The following LSAMP variants were observed in gnomAD, a reference collection of about 807,000 sequenced individuals.
LSAMP encodes the protein limbic system associated membrane protein.
A neutral mutation model predicts 38.6 loss-of-function variants in LSAMP; 7 were observed. The ratio of observed to expected loss-of-function variants is 0.18; its 90% CI spans 0.10 to 0.34. LSAMP has a LOEUF of 0.34. LSAMP is among the 10% of genes least tolerant of loss of function. LSAMP has a pLI of 1.00. For synonymous variants in LSAMP, 154 were observed against 166.8 expected (o/e 0.92, Z 0.59); for missense variants, 313 against 420.0 (o/e 0.75, Z 2.23).
rs182175103 is a variant in LSAMP, at chr3:115,873,682, A to G, written c.515-21065T>C. On this transcript the variant is annotated intron_variant, in intron 3 of 6. Coordinates refer to ENST00000490035, the MANE Select transcript of LSAMP (RefSeq NM_002338.5). The stretch of plus-strand genomic sequence containing the variant: ...TTGCCGCTAACTTTTACCAAGTTAC[A>G]GAAAATCTCTATAATTTAGTTTGCT... Among the ~76,000 whole-genome samples, 396 of 152,294 alleles carry G rather than the reference A, an allele frequency of 2.6e-3. 2 individuals carry two copies. Among genetic ancestry groups the G allele is most frequent in the African/African-American group, 9.1e-3 (378 of 41,568 alleles).
intron 1 of LSAMP, among the ~76,000 whole-genome samples, chr3:116,260,094 C>T (rs1306520331): frequency 6.6e-6 from 1 of 152,126 alleles, no homozygotes; most frequent in Non-Finnish European, 1.5e-5. Flanking sequence ...AGGGCTAAAT[C>T]TTTCATTTAC....
chr3:115,946,303 TA>T (rs969948525), intron 3 of LSAMP, among the ~76,000 whole-genome samples: 9 of 152,168 alleles, frequency 5.9e-5, no homozygotes, highest in African/African-American at 1.9e-4. Context: ...GGTCAAAGAA[TA>T]AAAACTTTCT....
At chr3:116,282,755 TC>T (rs144177485) in intron 1 of LSAMP, among the ~76,000 whole-genome samples, 15,594 of 151,454 alleles carry the variant, frequency 0.1, 1,862 homozygotes, top group African/African-American at 0.29. Flanking sequence ...CCAGTGATAC[TC>T]CCCCCACCCC....
chr3:116,151,831 TG>T (rs373271937), intron 1 of LSAMP, among the ~76,000 whole-genome samples: 96 of 152,224 alleles, frequency 6.3e-4, no homozygotes, highest in African/African-American at 2.2e-3. Flanking sequence ...GGTAGCCACT[TG>T]CTTCTCAATA....
intron 1 of LSAMP, among the ~76,000 whole-genome samples, chr3:116,147,027 G>A (rs1255325362): frequency 6.6e-6 from 1 of 151,796 alleles, no homozygotes; most frequent in East Asian, 1.9e-4. Context: ...GGGTCAAGTT[G>A]GATCATCATC....
intron 2 of LSAMP, among the ~76,000 whole-genome samples, chr3:116,048,386 T>A (rs1216810720): frequency 1.3e-5 from 2 of 152,210 alleles, no homozygotes; most frequent in Admixed American, 6.5e-5. Flanking sequence ...GAAGGCTAAG[T>A]AATGATTAGT....
At chr3:116,162,957 TC>T (rs1319664688) in intron 1 of LSAMP, among the ~76,000 whole-genome samples, 3 of 151,990 alleles carry the variant, frequency 2.0e-5, no homozygotes, top group East Asian at 3.9e-4. Context: ...GCCTACATGT[TC>T]CCCCATCCCT....
intron 1 of LSAMP, among the ~76,000 whole-genome samples, chr3:116,326,490 A>T (rs1194955653): frequency 1.3e-5 from 2 of 152,048 alleles, no homozygotes; most frequent in Non-Finnish European, 2.9e-5. Context: ...ATGACACTAG[A>T]GTGCAATGCA....
intron 2 of LSAMP, among the ~76,000 whole-genome samples, chr3:116,074,660 C>T (rs1707693762): frequency 6.6e-6 from 1 of 152,022 alleles, no homozygotes; most frequent in Non-Finnish European, 1.5e-5. Context: ...TCTGGCTATC[C>T]TCATTTTGTT....
intron 1 of LSAMP, among the ~76,000 whole-genome samples, chr3:116,175,803 C>A (rs560073219): frequency 6.6e-6 from 1 of 152,060 alleles, no homozygotes; most frequent in African/African-American, 2.4e-5. Context: ...CATTTCTATG[C>A]TAAGAAGCAG....
At chr3:116,377,535 A>G (rs896632474) in intron 1 of LSAMP, among the ~76,000 whole-genome samples, 2 of 152,112 alleles carry the variant, frequency 1.3e-5, no homozygotes, top group African/African-American at 4.8e-5. Context: ...GTGCTGCAAT[A>G]AACATACACA....
chr3:116,025,457 T>C (rs1940764069), intron 2 of LSAMP, among the ~76,000 whole-genome samples: 1 of 152,208 alleles, frequency 6.6e-6, no homozygotes, highest in African/African-American at 2.4e-5. Flanking sequence ...TTTGTTGTTG[T>C]ATCTATTGAT....
At chr3:115,931,992 C>T (rs77713256) in intron 3 of LSAMP, among the ~76,000 whole-genome samples, 3,475 of 152,154 alleles carry the variant, frequency 0.023, 125 homozygotes, top group African/African-American at 0.078. Context: ...ATGAAACAGG[C>T]CATGTTATGG....
chr3:115,831,885 A>G (rs777358260), intron 6 of LSAMP, among the ~76,000 whole-genome samples: 1 of 152,184 alleles, frequency 6.6e-6, no homozygotes, highest in Non-Finnish European at 1.5e-5. Context: ...TGTTTTTGGC[A>G]GATGGGGGAA....
intron 2 of LSAMP, among the ~76,000 whole-genome samples, chr3:116,073,521 T>C (rs911980823): frequency 1.3e-5 from 2 of 152,244 alleles, no homozygotes; most frequent in Non-Finnish European, 2.9e-5. Flanking sequence ...GTGGCCATTT[T>C]CACAATATTG....
At chr3:115,933,794 A>C (rs542432119) in intron 3 of LSAMP, among the ~76,000 whole-genome samples, 1 of 152,330 alleles carries the variant, frequency 6.6e-6, no homozygotes, top group South Asian at 2.1e-4. Flanking sequence ...GAGGAGAGTC[A>C]GCAGAGTCAA....
intron 3 of LSAMP, among the ~76,000 whole-genome samples, chr3:115,997,751 T>C (rs184627083): frequency 0.38 from 49,870 of 131,242 alleles, 9,845 homozygotes; most frequent in African/African-American, 0.43. Flanking sequence ...TATATATATA[T>C]ATACACACAC....
At position 116,134,865 on chromosome 3, in the gene LSAMP, T is replaced by C. The variant is rs151129493; in HGVS notation, c.156-48309A>G. The stretch of plus-strand genomic sequence containing the variant: ...CTAGGAGGTACTCAATAAATACTGC[T>C]GTGTACATGAATAAGATCTATGAAA... On this transcript the variant is annotated intron_variant, in intron 1 of 6. Coordinates refer to ENST00000490035, the MANE Select transcript of LSAMP (RefSeq NM_002338.5). Among the ~76,000 whole-genome samples the C allele has an allele frequency of 1.1e-3, 174 of 152,326 alleles. 2 individuals are homozygous for C. Among genetic ancestry groups the C allele is most frequent in the African/African-American group, 4.0e-3 (166 of 41,580 alleles).
chr3:115,993,050 T>C (rs547773785), intron 3 of LSAMP, among the ~76,000 whole-genome samples: 285 of 152,260 alleles, frequency 1.9e-3, no homozygotes, highest in African/African-American at 6.7e-3. Context: ...AAGCTATGTA[T>C]GCCTAAGTAG....
Sources: allele counts gnomAD v4.1 joint callset (sites outside exome capture counted in the v4.1 genomes callset), GRCh38; gene constraint gnomAD v4.1.1; transcripts MANE v1.5; gene names NCBI Gene and HGNC (gene_info 2026-07-23, HGNC 2026-07-21).